NEDD4L: variants seen among roughly 807,000 people sequenced by gnomAD.
The protein encoded by NEDD4L is NEDD4 like E3 ubiquitin protein ligase.
A neutral mutation model predicts 148.9 loss-of-function variants in NEDD4L; 54 were observed. The observed-to-expected ratio is 0.36, with a 90% confidence interval of 0.29 to 0.45. The LOEUF is 0.45. Among genes scored for constraint, NEDD4L ranks in the 20% least tolerant of loss-of-function variants. The pLI, the probability that NEDD4L is intolerant of heterozygous loss-of-function variation, is 1.00. For missense variants in NEDD4L, 856 were observed against 1,233.8 expected, an observed-to-expected ratio of 0.69 and a Z score of 4.59; for synonymous variants, 433 against 440.7, an observed-to-expected ratio of 0.98 and a Z score of 0.22.
chr18:58,375,627 T>C (rs2047466366), intron 24 of NEDD4L, among the ~76,000 whole-genome samples: 1 of 152,006 alleles, frequency 6.6e-6, no homozygotes, highest in African/African-American at 2.4e-5. Flanking sequence ...ACCGATGCAT[T>C]CTCATTCTCT....
At chr18:58,073,335 A>G (rs1022060194) in intron 1 of NEDD4L, among the ~76,000 whole-genome samples, 2 of 152,192 alleles carry the variant, frequency 1.3e-5, no homozygotes, top group African/African-American at 4.8e-5. Flanking sequence ...ACACTTCTCA[A>G]TTTCAAAGCT....
intron 2 of NEDD4L, among the ~76,000 whole-genome samples, chr18:58,169,104 C>G (rs563783139): frequency 6.6e-6 from 1 of 152,306 alleles, no homozygotes; most frequent in Admixed American, 6.5e-5. Context: ...TGGAGGTGGC[C>G]CCTTCCCCCT....
chr18:58,090,231 C>G (rs1372745548), intron 1 of NEDD4L, among the ~76,000 whole-genome samples: 1 of 152,136 alleles, frequency 6.6e-6, no homozygotes, highest in Non-Finnish European at 1.5e-5. Flanking sequence ...TTGCTTACTG[C>G]TTTGGGAATG....
intron 1 of NEDD4L, among the ~76,000 whole-genome samples, chr18:58,078,983 A>G (rs1243412599): frequency 6.6e-6 from 1 of 152,172 alleles, no homozygotes; most frequent in East Asian, 1.9e-4. Context: ...AGATTAAATG[A>G]GACTATGAAC....
chr18:58,071,110 T>A (rs1167925095), intron 1 of NEDD4L, among the ~76,000 whole-genome samples: 1 of 152,122 alleles, frequency 6.6e-6, no homozygotes, highest in Non-Finnish European at 1.5e-5. Context: ...GAAGCGCAGA[T>A]GTTGGGCATA....
chr18:58,053,604 C>T (rs529931775), intron 1 of NEDD4L, among the ~76,000 whole-genome samples: 42 of 152,268 alleles, frequency 2.8e-4, no homozygotes, highest in East Asian at 2.7e-3. Flanking sequence ...CCACCGTGCC[C>T]GGCCAACAAT....
Position 58,228,963 on chromosome 18 carries a change from G to T in NEDD4L, c.123-16464G>T, listed in dbSNP as rs147810360. Among the ~76,000 whole-genome samples, 374 of 152,294 alleles carry T rather than the reference G, an allele frequency of 2.5e-3. 3 individuals carry two copies. The highest frequency in any genetic ancestry group is 8.5e-3 in the African/African-American group (353 of 41,564). ...CATCACCAGGGAGCTTGTTAGAAAT[G>T]CAGATTCTCGAGGCGCGGCTCACAA... is the stretch of plus-strand genomic sequence containing the variant. On this transcript the variant is annotated intron_variant, in intron 2 of 30. Coordinates refer to ENST00000400345, the MANE Select transcript of NEDD4L (RefSeq NM_001144967.3).
At chr18:58,079,949 G>A (rs1041418110) in intron 1 of NEDD4L, among the ~76,000 whole-genome samples, 2 of 152,046 alleles carry the variant, frequency 1.3e-5, no homozygotes, top group African/African-American at 2.4e-5. Flanking sequence ...ATTTTTAGAG[G>A]CAGAGCCTCA....
At chr18:58,310,024 G>A (rs142507015) in intron 5 of NEDD4L, among the ~76,000 whole-genome samples, 7 of 152,220 alleles carry the variant, frequency 4.6e-5, no homozygotes, top group African/African-American at 1.2e-4. Context: ...GCTTGCTCTC[G>A]CTCTCGCTCT....
intron 1 of NEDD4L, among the ~76,000 whole-genome samples, chr18:58,110,443 G>GTGA (rs1301042286): frequency 9.2e-5 from 14 of 152,368 alleles, no homozygotes; most frequent in Admixed American, 2.0e-4. Context: ...AGGTCATCAT[G>GTGA]TGACAACCTG....
At chr18:58,063,569 C>CTTT (rs373856644) in intron 1 of NEDD4L, among the ~76,000 whole-genome samples, 4 of 140,410 alleles carry the variant, frequency 2.8e-5, no homozygotes, top group Admixed American at 7.2e-5. Context: ...GATAGTACAG[C>CTTT]TTTTTTTTTT....
intron 1 of NEDD4L, among the ~76,000 whole-genome samples, chr18:58,157,624 C>T (rs986865152): frequency 1.3e-5 from 2 of 151,960 alleles, no homozygotes; most frequent in Non-Finnish European, 1.5e-5. Flanking sequence ...GCCTTGGTTT[C>T]GCATTTTGAC....
chr18:58,239,307 T>A (rs2046372295), intron 2 of NEDD4L, among the ~76,000 whole-genome samples: 1 of 152,192 alleles, frequency 6.6e-6, no homozygotes, highest in Non-Finnish European at 1.5e-5. Context: ...TTCCTTTGGT[T>A]AAGGTTGGGA....
chr18:58,103,387 C>G (rs2084888025), intron 1 of NEDD4L, among the ~76,000 whole-genome samples: 1 of 151,746 alleles, frequency 6.6e-6, no homozygotes, highest in Non-Finnish European at 1.5e-5. Flanking sequence ...CCCAACAACT[C>G]TAGTCAAATC....
intron 2 of NEDD4L, among the ~76,000 whole-genome samples, chr18:58,229,467 G>C (rs970948642): frequency 6.6e-6 from 1 of 152,140 alleles, no homozygotes; most frequent in Non-Finnish European, 1.5e-5. Context: ...ACCTAGCTGG[G>C]GGGGAGCTCA....
chr18:58,335,764 A>T, intron 13 of NEDD4L: 1 of 440,610 alleles, frequency 2.3e-6, no homozygotes, highest in South Asian at 3.2e-5. Context: ...GAATACTATC[A>T]GGCTTTGGTT....
At chr18:58,081,322 G>T (rs1044217391) in intron 1 of NEDD4L, among the ~76,000 whole-genome samples, 1 of 147,698 alleles carries the variant, frequency 6.8e-6, no homozygotes, top group Non-Finnish European at 1.5e-5. Context: ...TTCACGCCAT[G>T]CTCCTGCCTC....
Position 58,092,956 on chromosome 18 carries a change from G to A in NEDD4L, c.48+48248G>A, listed in dbSNP as rs1244704707. The stretch of plus-strand genomic sequence containing the variant: ...GCTCACTGCAAGCTCCGCCTCCCAA[G>A]TTCACGCCATTCTCCTGCCTCAGCC... On this transcript the variant is annotated intron_variant, in intron 1 of 30. Transcript: ENST00000400345. Among the ~76,000 whole-genome samples the A allele has an allele frequency of 2.0e-5, 3 of 150,684 alleles. No individual in the cohort carries two copies. The East Asian group carries it at 5.9e-4, about 29-fold the overall frequency.
chr18:58,336,854 A>G lies in NEDD4L; in HGVS notation c.1125+1317A>G, dbSNP rs576717225. On this transcript the variant is annotated intron_variant, in intron 13 of 30. Transcript: ENST00000400345. ...GAATTCAAGAAATTCTACATGAACT[A>G]TTACCCACCGTGCACTTGTAATTTC... Among the ~76,000 whole-genome samples, 9 of 152,236 alleles carry G rather than the reference A, an allele frequency of 5.9e-5. No homozygotes were observed. The South Asian group carries it at 1.5e-3, about 25-fold the overall frequency.
Sources: gnomAD v4.1 joint callset for allele counts (sites outside exome capture counted in the v4.1 genomes callset) on GRCh38, gnomAD v4.1.1 for gene constraint, MANE v1.5 for transcripts, NCBI Gene and HGNC (gene_info 2026-07-23, HGNC 2026-07-21) for gene names.